Variants in ZNF225 observed in about 807,000 individuals in gnomAD.
The protein encoded by ZNF225 is zinc finger protein 225.
A neutral mutation model predicts 12.0 loss-of-function variants in ZNF225; 6 were observed. The ratio of observed to expected loss-of-function variants is 0.50; its 90% confidence interval spans 0.27 to 0.98. The LOEUF (loss-of-function observed/expected upper bound fraction) is 0.98, where lower values mean the gene tolerates loss of function less well. Ranked by LOEUF, ZNF225 falls within the 50% of genes least tolerant of loss-of-function variation. The pLI is 0.11. For synonymous variants in ZNF225, 271 were observed against 283.2 expected, an observed-to-expected ratio of 0.96 and a Z score of 0.43; for missense variants, 763 against 848.2, an observed-to-expected ratio of 0.90 and a Z score of 1.25.
rs950938715 is a variant in ZNF225, at chr19:44,132,860, C to G, written c.*125C>G. On this transcript the variant is annotated 3_prime_UTR_variant, in exon 5 of 5. Coordinates refer to ENST00000262894, the MANE Select transcript of ZNF225 (RefSeq NM_013362.4). ...TTTATCATTTATTTATGTTGGGAACCCTTAAAATTCACTGTCCTAGCTATT... is the reference window on the plus strand; with the variant it reads ...TTTATCATTTATTTATGTTGGGAACGCTTAAAATTCACTGTCCTAGCTATT... 1 of 902,074 alleles carries G rather than the reference C, an allele frequency of 1.1e-6. No individual in the cohort carries two copies. The highest frequency in any genetic ancestry group is 1.6e-6 in the Non-Finnish European group (1 of 618,600). 55.9% of individuals were successfully genotyped at this position (902,074 alleles called of 1,614,324 possible). A position where few individuals can be genotyped will look rare whatever the true frequency, so the allele number is the denominator to read the frequency against.
upstream of ZNF225, among the ~76,000 whole-genome samples, chr19:44,112,536 T>A (rs757514193): frequency 1.3e-5 from 2 of 152,216 alleles, no homozygotes; most frequent in Non-Finnish European, 2.9e-5. Context: ...TCAAAAATAT[T>A]TTTTAAATAA....
intron 4 of ZNF225, chr19:44,128,352 G>A (rs1194507609): frequency 6.6e-6 from 1 of 152,166 alleles, no homozygotes; most frequent in East Asian, 1.9e-4. Flanking sequence ...ACATGGTGCT[G>A]TATTTTGAAC....
Position 44,118,504 on chromosome 19 carries a change from T to C in ZNF225, c.165T>C (p.Asp55=), listed in dbSNP as rs747492231. The C allele has an allele frequency of 1.1e-4, 175 of 1,613,608 alleles. 1 individual carries two copies. The highest frequency in any genetic ancestry group is 1.3e-4 in the Non-Finnish European group (150 of 1,179,736). The change falls in exon 4 of 5, where the codon GAT becomes GAC. Residue 55 remains aspartate (D), a synonymous_variant. Transcript: ENST00000262894. ...CAGGGCATCAATCACTCCACAGAGA[T>C]ACTTTCCACTTCCTAAAGGAAGAAA... ...LSVGHQSLHR[D]TFHFLKEEKF... is the part of the protein sequence containing the mutation.
chr19:44,119,006 C>T lies in ZNF225; in HGVS notation c.235+432C>T, dbSNP rs190519915. Reference sequence around the variant, plus strand: ...TAATTTTTTGTATTTTTAGTAGAGACGGGGTTTCACCGTGTTAGCCAGGAT... The same window carrying T: ...TAATTTTTTGTATTTTTAGTAGAGATGGGGTTTCACCGTGTTAGCCAGGAT... On this transcript the variant is annotated intron_variant, in intron 4 of 4. Coordinates refer to ENST00000262894, the MANE Select transcript of ZNF225 (RefSeq NM_013362.4). Among the ~76,000 whole-genome samples, 20 of 152,162 alleles carry T rather than the reference C, an allele frequency of 1.3e-4. No homozygotes were observed. In the South Asian group the frequency reaches 2.9e-3, roughly 22 times the overall value.
intron 4 of ZNF225, among the ~76,000 whole-genome samples, chr19:44,126,375 A>C (rs556978979): frequency 9.2e-5 from 14 of 152,300 alleles, no homozygotes; most frequent in African/African-American, 3.4e-4. Flanking sequence ...GTCTGCACAG[A>C]GTCCTGTGAT....
intron 4 of ZNF225, among the ~76,000 whole-genome samples, chr19:44,120,923 G>T (rs1268638726): frequency 2.7e-5 from 4 of 150,526 alleles, no homozygotes; most frequent in Middle Eastern, 3.4e-3. Flanking sequence ...TTTAAGCAGA[G>T]TCTCGCTCTG....
intron 2 of ZNF225, among the ~76,000 whole-genome samples, chr19:44,117,308 C>T (rs1456229712): frequency 6.6e-6 from 1 of 152,198 alleles, no homozygotes; most frequent in African/African-American, 2.4e-5. Flanking sequence ...TGCTTTTAGG[C>T]ACACTGTCTG....
intron 4 of ZNF225, among the ~76,000 whole-genome samples, chr19:44,119,104 C>G (rs1162484663): frequency 6.6e-6 from 1 of 152,206 alleles, no homozygotes; most frequent in African/African-American, 2.4e-5. Context: ...GCGTGAGCCA[C>G]CGCGCCCGGC....
chr19:44,123,498 T>C (rs1968091968), intron 4 of ZNF225, among the ~76,000 whole-genome samples: 1 of 152,192 alleles, frequency 6.6e-6, no homozygotes. Flanking sequence ...AGGGTGATGC[T>C]GGTTTCCTAG....
intron 4 of ZNF225, among the ~76,000 whole-genome samples, chr19:44,118,882 T>A (rs1055241785): frequency 6.6e-6 from 1 of 151,546 alleles, no homozygotes; most frequent in Non-Finnish European, 1.5e-5. Context: ...AGTGGTGCAA[T>A]CTCGGCTCAC....
intron 1 of ZNF225, chr19:44,114,025 G>A: frequency 3.1e-6 from 1 of 324,446 alleles, no homozygotes; most frequent in Non-Finnish European, 5.7e-6. Context: ...GGTGATCCCG[G>A]ACGCCTTCTG....
rs1968246582 is a variant in ZNF225, at chr19:44,131,131, G to C, written c.517G>C (p.Glu173Gln). 1.2e-6 allele frequency: 2 copies of C among 1,614,204 alleles called. No individual in the cohort carries two copies. Among genetic ancestry groups the C allele is most frequent in the East Asian group, 4.5e-5 (2 of 44,872 alleles). ...LDLHQQLQSR[E>Q]KSHTCDECGK... Reference sequence around the variant, plus strand: ...TCTTCATCAACAACTACAGTCAAGAGAGAAGTCTCATACATGTGATGAATG... The same window carrying C: ...TCTTCATCAACAACTACAGTCAAGACAGAAGTCTCATACATGTGATGAATG... The change falls in exon 5 of 5, where the codon GAG (glutamate) becomes CAG (glutamine). Residue 173 changes from glutamate to glutamine, a missense_variant. Physicochemically the swap from Glu to Gln is conservative, Grantham distance 29 (BLOSUM62 2). Transcript: ENST00000262894.
chr19:44,132,223 G>C lies in ZNF225; in HGVS notation c.1609G>C (p.Val537Leu), dbSNP rs759523964. 23 of 1,613,962 alleles carry C rather than the reference G, an allele frequency of 1.4e-5. No individual in the cohort carries two copies. The highest frequency in any genetic ancestry group is 1.9e-5 in the Non-Finnish European group (23 of 1,180,018). ...LYSHRRVHTG[V>L]KPYKCEECGK... ...TTCTCATCGCAGAGTCCACACTGGA[G>C]TAAAGCCATACAAATGTGAAGAGTG... is the stretch of plus-strand genomic sequence containing the variant. Residue 537 changes from valine (V) to leucine (L), a missense_variant, in exon 5 of 5, where the codon GTA becomes CTA. Coordinates refer to ENST00000262894, the MANE Select transcript of ZNF225 (RefSeq NM_013362.4).
At chr19:44,122,864 C>T (rs558852570) in intron 4 of ZNF225, among the ~76,000 whole-genome samples, 18 of 152,192 alleles carry the variant, frequency 1.2e-4, no homozygotes, top group African/African-American at 4.3e-4. Flanking sequence ...AGAAACTTTG[C>T]TGAATTCTTT....
chr19:44,129,914 A>T (rs1968213158), intron 4 of ZNF225: 1 of 152,262 alleles, frequency 6.6e-6, no homozygotes. Flanking sequence ...AATACAAACT[A>T]AAATATACAA....
At chr19:44,112,891 C>G (rs1405333174), upstream of ZNF225, 1 of 152,230 alleles carries the variant, frequency 6.6e-6, no homozygotes, top group Non-Finnish European at 1.5e-5. Flanking sequence ...AATAACACTC[C>G]TGTTATCATT....
In ZNF225 at chr19:44,118,479, C is replaced by A. The variant is rs757201822; in HGVS notation, c.143-3C>A. The A allele has an allele frequency of 3.7e-6, 6 of 1,613,550 alleles. No individual in the cohort carries two copies. In the South Asian group the frequency reaches 6.6e-5, roughly 18 times the overall value. On this transcript the variant is annotated splice_region_variant and splice_polypyrimidine_tract_variant and intron_variant, in intron 3 of 4. Transcript: ENST00000262894. ...CTAAGCACATGACTTTTCACGTTCA[C>A]AGGGCATCAATCACTCCACAGAGAT...
intron 4 of ZNF225, among the ~76,000 whole-genome samples, chr19:44,124,881 TTTTAC>T (rs1270439245): frequency 6.6e-6 from 1 of 152,286 alleles, no homozygotes; most frequent in East Asian, 1.9e-4. Context: ...TTTTCCACCC[TTTTAC>T]TTTAAGTTTA....
chr19:44,117,795 G>A (rs1277947870), intron 2 of ZNF225, among the ~76,000 whole-genome samples: 2 of 152,176 alleles, frequency 1.3e-5, no homozygotes, highest in African/African-American at 4.8e-5. Flanking sequence ...GAGGCAGGCG[G>A]ATCACCTGAG....
Sources: allele counts gnomAD v4.1 joint callset (sites outside exome capture counted in the v4.1 genomes callset), GRCh38; gene constraint gnomAD v4.1.1; transcripts MANE v1.5; gene names NCBI Gene and HGNC (gene_info 2026-07-23, HGNC 2026-07-21).